The following ZFAT variants were observed in gnomAD, a reference collection of about 807,000 sequenced individuals.
ZFAT encodes the protein zinc finger and AT-hook domain containing.
A neutral mutation model predicts 117.7 loss-of-function variants in ZFAT; 64 were observed. That is an observed-to-expected ratio of 0.54 (90% CI 0.44 to 0.67). The LOEUF (loss-of-function observed/expected upper bound fraction) is 0.67. Among genes scored for constraint, ZFAT ranks in the 30% least tolerant of loss-of-function variants. ZFAT has a pLI of 0.00. For synonymous variants in ZFAT, 679 were observed against 615.0 expected, an observed-to-expected ratio of 1.10 and a Z score of -1.54; for missense variants, 1,433 against 1,584.5, an observed-to-expected ratio of 0.90 and a Z score of 1.62.
the ZFAT span, among the ~76,000 whole-genome samples, chr8:134,761,976 CTCTG>C: frequency 1.1e-5 from 1 of 87,896 alleles, no homozygotes; most frequent in African/African-American, 6.0e-5. Flanking sequence ...CTCTCTTTCT[CTCTG>C]TATGTGTGTG....
At chr8:134,713,782 C>T (rs1814132200), upstream of ZFAT, among the ~76,000 whole-genome samples, 1 of 152,048 alleles carries the variant, frequency 6.6e-6, no homozygotes, top group African/African-American at 2.4e-5. Context: ...TGATATCTTC[C>T]AGCCCCTAAC....
intron 11 of ZFAT, 133 bp downstream of exon 11, chr8:134,565,200 G>A (rs1278986666): frequency 6.5e-6 from 10 of 1,541,234 alleles, no homozygotes; most frequent in African/African-American, 1.4e-5. Context: ...CAGACTCCAC[G>A]TGTACCAGCT....
chr8:134,576,080 A>C (rs1368711353), intron 10 of ZFAT, among the ~76,000 whole-genome samples: 2 of 152,258 alleles, frequency 1.3e-5, no homozygotes, highest in Non-Finnish European at 2.9e-5. Context: ...GACAGAGCAC[A>C]GCACCAGGGC....
rs114572455 is a variant in ZFAT, at chr8:134,638,861, G to A, written c.197-1149C>T. 3.3e-3 allele frequency among the ~76,000 whole-genome samples: 498 copies of A among 152,194 alleles called. 1 individual carries two copies. Among genetic ancestry groups the A allele is most frequent in the African/African-American group, 0.012 (483 of 41,532 alleles). On this transcript the variant is annotated intron_variant, in intron 2 of 15. Transcript: ENST00000377838. ...CCTGAGCGAGACCAAGCAGAGAGCC[G>A]CCAGCAGCCTGGCTGACATCCCCAA...
intron 11 of ZFAT, among the ~76,000 whole-genome samples, chr8:134,548,909 G>C (rs1291823122): frequency 1.3e-5 from 2 of 152,220 alleles, no homozygotes; most frequent in African/African-American, 2.4e-5. Flanking sequence ...CTGGGCACTA[G>C]AGACTCAGAA....
At chr8:134,493,022 G>C (rs927213004) in intron 15 of ZFAT, among the ~76,000 whole-genome samples, 15 of 152,324 alleles carry the variant, frequency 9.8e-5, no homozygotes, top group African/African-American at 3.6e-4. Context: ...CTTTCATGGA[G>C]GAAGACAGTA....
intron 4 of ZFAT, among the ~76,000 whole-genome samples, chr8:134,609,457 A>G (rs1308722204): frequency 6.6e-6 from 1 of 152,200 alleles, no homozygotes; most frequent in East Asian, 1.9e-4. Flanking sequence ...AGTAGGGCAG[A>G]CAAAGTGACT....
rs376294714 is a variant in ZFAT at position 134,633,761 on chromosome 8, T to C, written c.448+3700A>G. On this transcript the variant is annotated intron_variant, in intron 3 of 15. Transcript: ENST00000377838. ...AATGGGAATAACAATAGTGCATACC[T>C]TGGCCAGGCACAGTGGCTCATACCT... Among the ~76,000 whole-genome samples, 6 of 152,324 alleles carry C rather than the reference T, an allele frequency of 3.9e-5. No individual in the cohort carries two copies. In the East Asian group the frequency reaches 5.8e-4, roughly 15 times the overall value.
chr8:134,603,307 GAGAAGGA>G (rs1282503313), intron 5 of ZFAT, among the ~76,000 whole-genome samples: 2 of 152,176 alleles, frequency 1.3e-5, no homozygotes, highest in African/African-American at 4.8e-5. Context: ...AGGGAGGCAA[GAGAAGGA>G]AGAAGGAAGA....
At chr8:134,591,919 G>A (rs1826534325) in intron 7 of ZFAT, among the ~76,000 whole-genome samples, 1 of 152,218 alleles carries the variant, frequency 6.6e-6, no homozygotes, top group Non-Finnish European at 1.5e-5. Flanking sequence ...AATATCTGCT[G>A]TTTATACCAC....
intron 1 of ZFAT, among the ~76,000 whole-genome samples, chr8:134,678,730 C>T (rs1326861363): frequency 6.6e-6 from 1 of 152,022 alleles, no homozygotes; most frequent in African/African-American, 2.4e-5. Context: ...GTTACTGGTA[C>T]CAAAACAGAT....
the ZFAT span, among the ~76,000 whole-genome samples, chr8:134,831,453 A>G: frequency 6.6e-6 from 1 of 152,202 alleles, no homozygotes; most frequent in African/African-American, 2.4e-5. Flanking sequence ...TGCTACACAC[A>G]GGCGGATTCG....
rs57041885 is a variant in ZFAT, at chr8:134,566,393, C to CAAAAAAAA, written c.2888-980_2888-973dup. ...TGGGCGACAGAGCAAGACTCCAACT[C>CAAAAAAAA]AAAAAAAAAAAAAAAAAGATTAAGG... On this transcript the variant is annotated intron_variant, in intron 10 of 15. Coordinates refer to ENST00000377838, the MANE Select transcript of ZFAT (RefSeq NM_020863.4). 3.2e-4 allele frequency among the ~76,000 whole-genome samples: 25 copies of CAAAAAAAA among 77,290 alleles called. 3 individuals are homozygous for CAAAAAAAA. The highest frequency in any genetic ancestry group is 1.3e-3 in the East Asian group (2 of 1,516). 50.7% of individuals were successfully genotyped at this position (77,290 alleles called of 152,430 possible).
At chr8:134,655,812 C>G (rs1368901631) in intron 2 of ZFAT, among the ~76,000 whole-genome samples, 1 of 152,118 alleles carries the variant, frequency 6.6e-6, no homozygotes, top group Non-Finnish European at 1.5e-5. Flanking sequence ...ATGAATTGGA[C>G]AAGAGACATT....
At chr8:134,593,101 G>A (rs994666536) in intron 7 of ZFAT, among the ~76,000 whole-genome samples, 1 of 151,988 alleles carries the variant, frequency 6.6e-6, no homozygotes, top group Non-Finnish European at 1.5e-5. Context: ...CGGGTCAGGC[G>A]GGCATCCTGG....
the ZFAT span, among the ~76,000 whole-genome samples, chr8:134,819,260 G>A: frequency 5.3e-5 from 8 of 151,294 alleles, no homozygotes; most frequent in African/African-American, 1.9e-4. Context: ...GGAAGAGGAA[G>A]GGGGTGAAGG....
intron 15 of ZFAT, among the ~76,000 whole-genome samples, chr8:134,499,868 G>A (rs1818838517): frequency 6.6e-6 from 1 of 152,174 alleles, no homozygotes; most frequent in African/African-American, 2.4e-5. Flanking sequence ...CGGTGGGAGA[G>A]GCAAGGAGGC....
intron 3 of ZFAT, among the ~76,000 whole-genome samples, chr8:134,624,902 C>T (rs1170214690): frequency 6.6e-6 from 1 of 150,680 alleles, no homozygotes; most frequent in African/African-American, 2.4e-5. Flanking sequence ...TCTAAAGTAC[C>T]TATTCTAAAT....
intron 15 of ZFAT, among the ~76,000 whole-genome samples, chr8:134,501,981 G>A (rs906813207): frequency 1.3e-5 from 2 of 152,236 alleles, no homozygotes; most frequent in Non-Finnish European, 2.9e-5. Context: ...TAAAGAGTTA[G>A]AAGAGTATCT....
Sources: allele counts gnomAD v4.1 joint callset (sites outside exome capture counted in the v4.1 genomes callset), GRCh38; gene constraint gnomAD v4.1.1; transcripts MANE v1.5; gene names NCBI Gene and HGNC (gene_info 2026-07-23, HGNC 2026-07-21).